Variants in PVT1 observed in about 807,000 individuals in gnomAD.
The protein encoded by PVT1 is Pvt1 oncogene, also known as CXCR4/PVT1 fusion.
chr8:127,894,791 C>G (rs568304827), intron 3 of PVT1, among the ~76,000 whole-genome samples: 4 of 152,186 alleles, frequency 2.6e-5, no homozygotes, highest in Non-Finnish European at 5.9e-5. Flanking sequence ...TTTCTATTTG[C>G]GGTACTCTGG....
intron 4 of PVT1, among the ~76,000 whole-genome samples, chr8:128,006,102 CAAA>C (rs1817243042): frequency 2.2e-5 from 2 of 90,412 alleles, no homozygotes; most frequent in Non-Finnish European, 4.3e-5. Flanking sequence ...GACCTTGTCT[CAAA>C]TAATAATAAT....
intron 3 of PVT1, among the ~76,000 whole-genome samples, chr8:127,968,416 TA>T (rs1816726133): frequency 6.6e-6 from 1 of 152,008 alleles, no homozygotes; most frequent in South Asian, 2.1e-4. Context: ...CTTTCAAAAA[TA>T]CCATTAGGGA....
At chr8:127,863,151 A>G (rs1392969168) in intron 2 of PVT1, among the ~76,000 whole-genome samples, 1 of 150,782 alleles carries the variant, frequency 6.6e-6, no homozygotes, top group Non-Finnish European at 1.5e-5. Context: ...TTGCTCTGTC[A>G]CCCAGGCTGG....
At chr8:127,989,128 G>T (rs560374639) in intron 3 of PVT1, 1 of 152,210 alleles carries the variant, frequency 6.6e-6, no homozygotes, top group South Asian at 2.1e-4. Context: ...GGTAAACATT[G>T]ATATTAATAT....
At chr8:128,047,236 A>C (rs1332510911) in intron 4 of PVT1, among the ~76,000 whole-genome samples, 1 of 152,188 alleles carries the variant, frequency 6.6e-6, no homozygotes, top group Non-Finnish European at 1.5e-5. Flanking sequence ...TGAATCTCTC[A>C]GAGTCCAGAA....
At chr8:127,813,631 A>C (rs1814626128) in intron 2 of PVT1, among the ~76,000 whole-genome samples, 1 of 152,166 alleles carries the variant, frequency 6.6e-6, no homozygotes, top group South Asian at 2.1e-4. Context: ...TGTGAGCTTC[A>C]GAGCCTGGTG....
intron 5 of PVT1, among the ~76,000 whole-genome samples, chr8:128,078,644 T>G (rs1350203192): frequency 6.6e-6 from 1 of 152,040 alleles, no homozygotes; most frequent in Non-Finnish European, 1.5e-5. Context: ...TCGTAGACTA[T>G]ATATATATAA....
Position 128,054,956 on chromosome 8 carries a change from C to T in PVT1, n.913-15204C>T, listed in dbSNP as rs116189988. ...ATAATGTGGATGGGCCTCATCCAAT[C>T]AGTGGAAAGCCTTAAGAGAAAACAC... is the stretch of plus-strand genomic sequence containing the variant. On this transcript the variant is annotated intron_variant and non_coding_transcript_variant, in intron 4 of 10. Transcript: ENST00000651587. Among the ~76,000 whole-genome samples, 584 of 152,306 alleles carry T rather than the reference C, an allele frequency of 3.8e-3. 1 individual carries two copies. The highest frequency in any genetic ancestry group is 0.013 in the African/African-American group (523 of 41,556).
chr8:128,067,692 G>C (rs1350722559), intron 4 of PVT1, among the ~76,000 whole-genome samples: 1 of 152,102 alleles, frequency 6.6e-6, no homozygotes, highest in Non-Finnish European at 1.5e-5. Flanking sequence ...TCCCAACCCA[G>C]GCCTGGGCTG....
At chr8:127,811,204 GC>G (rs376513725) in intron 2 of PVT1, among the ~76,000 whole-genome samples, 59 of 152,242 alleles carry the variant, frequency 3.9e-4, no homozygotes, top group African/African-American at 1.4e-3. Flanking sequence ...CTCTCCTCAT[GC>G]CAAAAGATAG....
At chr8:128,077,226 C>T (rs1814102369) in intron 5 of PVT1, among the ~76,000 whole-genome samples, 1 of 152,016 alleles carries the variant, frequency 6.6e-6, no homozygotes, top group Admixed American at 6.5e-5. Context: ...TTTTGGTTCC[C>T]CTAGTCCCAG....
At chr8:128,046,754 T>A (rs1563674605) in intron 4 of PVT1, among the ~76,000 whole-genome samples, 1 of 152,232 alleles carries the variant, frequency 6.6e-6, no homozygotes, top group Non-Finnish European at 1.5e-5. Flanking sequence ...CTCTGTCTTC[T>A]AAATGTTCAC....
At chr8:127,993,872 G>C (rs569118864) in intron 4 of PVT1, among the ~76,000 whole-genome samples, 1 of 152,288 alleles carries the variant, frequency 6.6e-6, no homozygotes, top group East Asian at 1.9e-4. Context: ...CCACTGTGCA[G>C]GGTGCCTAGA....
chr8:127,836,511 A>T (rs1814910599), intron 2 of PVT1, among the ~76,000 whole-genome samples: 4 of 152,084 alleles, frequency 2.6e-5, no homozygotes, highest in Admixed American at 2.6e-4. Flanking sequence ...ATGTAGTCTA[A>T]ATTTTGGAGT....
At chr8:128,056,236 G>A (rs954954825) in intron 4 of PVT1, among the ~76,000 whole-genome samples, 1 of 152,164 alleles carries the variant, frequency 6.6e-6, no homozygotes, top group Non-Finnish European at 1.5e-5. Flanking sequence ...GATAATGTTG[G>A]TACTGAAGTG....
At chr8:127,892,123 T>C (rs915464304) in intron 3 of PVT1, among the ~76,000 whole-genome samples, 1 of 152,186 alleles carries the variant, frequency 6.6e-6, no homozygotes, top group Non-Finnish European at 1.5e-5. Context: ...CTGATTTTGA[T>C]TGGATTCCTA....
chr8:127,925,444 TAGA>T (rs1200033867), intron 3 of PVT1, among the ~76,000 whole-genome samples: 1 of 152,224 alleles, frequency 6.6e-6, no homozygotes, highest in African/African-American at 2.4e-5. Context: ...GGGAAAGATC[TAGA>T]AGGTTATCTG....
chr8:127,801,832 C>T (rs1163458913), intron 2 of PVT1, among the ~76,000 whole-genome samples: 1 of 152,162 alleles, frequency 6.6e-6, no homozygotes, highest in Non-Finnish European at 1.5e-5. Flanking sequence ...TTGATATGTA[C>T]TGTGTGTTAA....
chr8:127,823,391 T>C (rs959867229), intron 2 of PVT1, among the ~76,000 whole-genome samples: 3 of 152,240 alleles, frequency 2.0e-5, no homozygotes, highest in African/African-American at 7.2e-5. Context: ...GGGTCTGATA[T>C]CTTTTTGAAA....
Sources: allele counts gnomAD v4.1 joint callset (sites outside exome capture counted in the v4.1 genomes callset), GRCh38; gene constraint gnomAD v4.1.1; transcripts MANE v1.5; gene names NCBI Gene and HGNC (gene_info 2026-07-23, HGNC 2026-07-21).